UBE2F: variants seen among roughly 807,000 people sequenced by gnomAD.
UBE2F encodes ubiquitin conjugating enzyme E2 F (putative).
In UBE2F, 5 loss-of-function variants were observed where a neutral mutation model predicts 29.6. The observed-to-expected ratio is 0.17, with a 90% CI of 0.09 to 0.36. The LOEUF (loss-of-function observed/expected upper bound fraction) is 0.36. Among genes scored for constraint, UBE2F ranks in the 10% least tolerant of loss-of-function variants. The pLI, the probability that UBE2F is intolerant of heterozygous loss-of-function variation, is 1.00. For synonymous variants in UBE2F, 66 were observed against 81.8 expected (o/e 0.81, Z 1.04); for missense variants, 141 against 228.5 (o/e 0.62, Z 2.47).
At chr2:237,974,673 C>T (rs558534938) in intron 2 of UBE2F, among the ~76,000 whole-genome samples, 1 of 151,930 alleles carries the variant, frequency 6.6e-6, no homozygotes, top group South Asian at 2.1e-4. Flanking sequence ...GCCACCACGC[C>T]CAGCTAATTT....
In UBE2F at chr2:237,967,054, G is replaced by A; in HGVS notation, c.-95G>A. On this transcript the variant is annotated 5_prime_UTR_variant, in exon 1 of 10. Coordinates refer to ENST00000272930, the MANE Select transcript of UBE2F (RefSeq NM_080678.3). The surrounding 1 kb of genome is among the most constrained non-coding windows in gnomAD (Gnocchi z 6.3). ...GCCGGGAGCCGGTGCGGCTGTGAGG[G>A]GCCGCGTCTCGCAGCAGCCGCCCGG... 7.6e-7 allele frequency: 1 copy of A among 1,317,210 alleles called. No individual in the cohort carries two copies. The highest frequency in any genetic ancestry group is 9.7e-7 in the Non-Finnish European group (1 of 1,033,200). The allele number at this position is 1,317,210 out of a possible 1,614,324, so 81.6% of individuals were successfully genotyped here.
chr2:238,030,518 C>T (rs1189091714), intron 6 of UBE2F, 38 bp from the exon 7 acceptor site: 27 of 1,551,384 alleles, frequency 1.7e-5, no homozygotes, highest in Non-Finnish European at 2.3e-5. Context: ...GCACCTGTGG[C>T]TGCTCCTCAC....
At chr2:238,004,666 T>G (rs1417508678) in intron 4 of UBE2F, among the ~76,000 whole-genome samples, 1 of 152,184 alleles carries the variant, frequency 6.6e-6, no homozygotes, top group Non-Finnish European at 1.5e-5. Flanking sequence ...GTGTTATGTT[T>G]CATGGCAAAA....
chr2:237,979,681 G>A (rs561024196), intron 2 of UBE2F, among the ~76,000 whole-genome samples: 1 of 152,354 alleles, frequency 6.6e-6, no homozygotes, highest in East Asian at 1.9e-4. Context: ...TTAAATGCCA[G>A]TGGAGCTGCC....
At chr2:238,014,587 A>G (rs2064113496) in intron 4 of UBE2F, among the ~76,000 whole-genome samples, 1 of 152,256 alleles carries the variant, frequency 6.6e-6, no homozygotes, top group African/African-American at 2.4e-5. Flanking sequence ...TGGCCAGAGC[A>G]CAGCCACGAC....
In UBE2F at chr2:237,971,735, G is replaced by C. The variant is rs1353583229; in HGVS notation, c.-16-1357G>C. 5.0e-5 allele frequency among the ~76,000 whole-genome samples: 3 copies of C among 60,460 alleles called. No homozygotes were observed. The East Asian group carries it at 2.8e-3, about 56-fold the overall frequency. The allele number at this position is 60,460 out of a possible 152,430, so 39.7% of individuals were successfully genotyped here. On this transcript the variant is annotated intron_variant, in intron 1 of 9. Transcript: ENST00000272930. ...TAGAAACAGAAGGCAGAGTCTAGCG[G>C]ATAGTTACTTTGTTACAATTAGTGG...
chr2:237,973,607 C>T, intron 2 of UBE2F: 1 of 1,191,394 alleles, frequency 8.4e-7, no homozygotes, highest in Non-Finnish European at 1.1e-6. Flanking sequence ...GGGAAGGAGT[C>T]AAATTTTGTA....
At chr2:237,981,255 C>G (rs538633272) in intron 2 of UBE2F, among the ~76,000 whole-genome samples, 2 of 152,110 alleles carry the variant, frequency 1.3e-5, no homozygotes, top group Non-Finnish European at 2.9e-5. Context: ...TCTTACTGCA[C>G]CTTGACTCTA....
intron 2 of UBE2F, among the ~76,000 whole-genome samples, chr2:237,981,614 C>CT (rs139270010): frequency 0.012 from 725 of 62,400 alleles, 63 homozygotes; most frequent in Non-Finnish European, 0.015. Context: ...AATTTGAATT[C>CT]TTTTTTTTTT....
intron 2 of UBE2F, among the ~76,000 whole-genome samples, chr2:237,974,046 T>C (rs765473250): frequency 6.6e-6 from 1 of 152,310 alleles, no homozygotes; most frequent in East Asian, 1.9e-4. Flanking sequence ...CAGGCTGGAG[T>C]GCGGTGGCAC....
intron 2 of UBE2F, among the ~76,000 whole-genome samples, chr2:237,977,697 T>G (rs2063309273): frequency 1.3e-5 from 2 of 152,072 alleles, no homozygotes; most frequent in African/African-American, 4.8e-5. Context: ...CAAGGCACTT[T>G]GAGGGGTGAT....
chr2:238,035,713 G>A (rs2064693739), intron 8 of UBE2F, 165 bp from the exon 9 acceptor site: 3 of 565,670 alleles, frequency 5.3e-6, no homozygotes, highest in Non-Finnish European at 6.3e-6. Flanking sequence ...CCACATGTTC[G>A]ATATTTTGGT....
At chr2:238,002,963 T>A (rs1559213625) in intron 4 of UBE2F, among the ~76,000 whole-genome samples, 1 of 152,132 alleles carries the variant, frequency 6.6e-6, no homozygotes, top group East Asian at 1.9e-4. Flanking sequence ...AACATTTAAA[T>A]AGTTATGGAC....
intron 5 of UBE2F, 103 bp from the exon 6 acceptor site, chr2:238,025,239 C>T (rs759241717): frequency 4.4e-5 from 43 of 970,788 alleles, no homozygotes; most frequent in Non-Finnish European, 6.5e-6. Flanking sequence ...CTGAGTCAGC[C>T]ATGAAACAAG....
chr2:238,026,903 G>C (rs561001259), intron 6 of UBE2F, among the ~76,000 whole-genome samples: 3 of 152,060 alleles, frequency 2.0e-5, no homozygotes, highest in Non-Finnish European at 2.9e-5. Context: ...TGTCCTTTAC[G>C]TATTGAAACA....
At chr2:238,027,333 G>A (rs919117276) in intron 6 of UBE2F, among the ~76,000 whole-genome samples, 1 of 152,202 alleles carries the variant, frequency 6.6e-6, no homozygotes, top group African/African-American at 2.4e-5. Context: ...TGTGGCATTG[G>A]CTACAAATAG....
chr2:238,020,743 C>A (rs2064272248), intron 5 of UBE2F, among the ~76,000 whole-genome samples: 1 of 152,328 alleles, frequency 6.6e-6, no homozygotes, highest in East Asian at 1.9e-4. Context: ...CAGCCTAAAG[C>A]CTGCCTTGTA....
chr2:237,977,753 C>T (rs1248126444), intron 2 of UBE2F, among the ~76,000 whole-genome samples: 2 of 152,034 alleles, frequency 1.3e-5, no homozygotes, highest in Non-Finnish European at 2.9e-5. Flanking sequence ...CCTTTTGGGA[C>T]TTTGAGAAAA....
At position 238,035,972 on chromosome 2, in the gene UBE2F, T is replaced by G. The variant is rs767335325; in HGVS notation, c.507+32T>G. 1.6e-5 allele frequency: 25 copies of G among 1,591,062 alleles called. No homozygotes were observed. In the South Asian group the frequency reaches 2.1e-4, roughly 13 times the overall value. On this transcript the variant is annotated intron_variant, in intron 9 of 9. Transcript: ENST00000272930. ...CAGTAACAGGCTTATTCTAGGTTGA[T>G]GTACTTGTCACGAACACGATTACTA...
Sources: allele counts gnomAD v4.1 joint callset (sites outside exome capture counted in the v4.1 genomes callset), GRCh38; gene constraint gnomAD v4.1.1; non-coding constraint Gnocchi (gnomAD v3.1); transcripts MANE v1.5; gene names NCBI Gene and HGNC (gene_info 2026-07-23, HGNC 2026-07-21).